The following SCHIP1 variants were observed in gnomAD, a reference collection of about 807,000 sequenced individuals.
The protein encoded by SCHIP1 is schwannomin-interacting protein 1.
A neutral mutation model predicts 29.7 loss-of-function variants in SCHIP1; 8 were observed. The observed-to-expected ratio is 0.27, with a 90% CI of 0.16 to 0.49. SCHIP1 has a LOEUF of 0.49. Among genes scored for constraint, SCHIP1 ranks in the 20% least tolerant of loss-of-function variants. The pLI, the probability that SCHIP1 is intolerant of heterozygous loss-of-function variation, is 0.99. For synonymous variants in SCHIP1, 76 were observed against 94.9 expected (o/e 0.80, Z 1.16); for missense variants, 193 against 294.6 (o/e 0.66, Z 2.52).
At chr3:159,517,145 T>A in the SCHIP1 span, among the ~76,000 whole-genome samples, 1 of 152,170 alleles carries the variant, frequency 6.6e-6, no homozygotes, top group African/African-American at 2.4e-5. Context: ...CCCTTCATGG[T>A]TCCAGCACAC....
the SCHIP1 span, among the ~76,000 whole-genome samples, chr3:159,326,491 C>T: frequency 1.3e-5 from 2 of 152,058 alleles, no homozygotes; most frequent in African/African-American, 4.8e-5. Flanking sequence ...TCTCTTTTTG[C>T]ATCTCTGCCC....
chr3:159,508,245 T>C, the SCHIP1 span, among the ~76,000 whole-genome samples: 1 of 152,220 alleles, frequency 6.6e-6, no homozygotes, highest in Non-Finnish European at 1.5e-5. Flanking sequence ...TTTTCTAGTT[T>C]ATTTGCGTAG....
the SCHIP1 span, among the ~76,000 whole-genome samples, chr3:159,422,655 GTT>G: frequency 1.5e-3 from 232 of 152,212 alleles, no homozygotes; most frequent in Middle Eastern, 6.8e-3. Flanking sequence ...GTATGGATTA[GTT>G]CTCCCTTCTT....
the SCHIP1 span, among the ~76,000 whole-genome samples, chr3:159,492,131 A>G: frequency 6.6e-6 from 1 of 152,132 alleles, no homozygotes; most frequent in Non-Finnish European, 1.5e-5. Context: ...AAAGGTAGAT[A>G]AAACCACAAA....
At chr3:159,869,815 G>T (rs1484043484) in intron 2 of SCHIP1, among the ~76,000 whole-genome samples, 1 of 151,624 alleles carries the variant, frequency 6.6e-6, no homozygotes, top group African/African-American at 2.4e-5. Flanking sequence ...TTTTCTCATT[G>T]TCTTTCTATC....
chr3:159,330,866 A>G, the SCHIP1 span, among the ~76,000 whole-genome samples: 6 of 152,064 alleles, frequency 3.9e-5, no homozygotes, highest in South Asian at 1.2e-3. Flanking sequence ...TTTCTCTTTT[A>G]CTTTACATCC....
chr3:159,886,321 C>T (rs1577493778), exon 3 of SCHIP1: 8 of 1,613,746 alleles, frequency 5.0e-6, no homozygotes, highest in Non-Finnish European at 6.8e-6. Context: ...CCTTGTCTCC[C>T]ATGGTGAGTC....
At chr3:159,639,245 G>GTCCTCATT in the SCHIP1 span, among the ~76,000 whole-genome samples, 1 of 151,916 alleles carries the variant, frequency 6.6e-6, no homozygotes, top group Non-Finnish European at 1.5e-5. Context: ...CTCACCCTTA[G>GTCCTCATT]TCCTCATTTT....
At chr3:159,812,964 G>A in the SCHIP1 span, among the ~76,000 whole-genome samples, 1 of 152,336 alleles carries the variant, frequency 6.6e-6, no homozygotes, top group East Asian at 1.9e-4. Flanking sequence ...GGGAAAGCAG[G>A]AGTGTGCAGA....
chr3:159,371,785 T>G, the SCHIP1 span, among the ~76,000 whole-genome samples: 1 of 152,220 alleles, frequency 6.6e-6, no homozygotes, highest in East Asian at 1.9e-4. Flanking sequence ...ATGTAAATGC[T>G]ATGTAGATAT....
the SCHIP1 span, among the ~76,000 whole-genome samples, chr3:159,811,552 A>G: frequency 6.6e-6 from 1 of 152,212 alleles, no homozygotes; most frequent in Admixed American, 6.5e-5. Flanking sequence ...TCCTTTCCCC[A>G]TTGAATTACC....
the SCHIP1 span, chr3:159,375,783 G>A: frequency 1.1e-6 from 1 of 878,384 alleles, no homozygotes; most frequent in African/African-American, 1.8e-5. Context: ...TTTAAAACTA[G>A]GATGGGTTTT....
chr3:159,488,821 G>A, the SCHIP1 span, among the ~76,000 whole-genome samples: 6 of 152,184 alleles, frequency 3.9e-5, no homozygotes, highest in African/African-American at 1.4e-4. Flanking sequence ...GTCCAGTTCT[G>A]GCATCTGCTT....
chr3:159,392,087 T>C, the SCHIP1 span, among the ~76,000 whole-genome samples: 2 of 152,310 alleles, frequency 1.3e-5, no homozygotes, highest in Non-Finnish European at 2.9e-5. Context: ...TGTTTGTTTT[T>C]TCTTTCACTG....
chr3:159,740,755 T>C, the SCHIP1 span, among the ~76,000 whole-genome samples: 1 of 95,498 alleles, frequency 1.0e-5, no homozygotes. Context: ...ACCAGAATTG[T>C]ATATTCAAAA....
the SCHIP1 span, among the ~76,000 whole-genome samples, chr3:159,487,341 C>T: frequency 6.6e-6 from 1 of 152,048 alleles, no homozygotes; most frequent in African/African-American, 2.4e-5. Flanking sequence ...AAACACACTC[C>T]TGTATCCCAT....
At chr3:159,822,676 A>T in the SCHIP1 span, among the ~76,000 whole-genome samples, 4 of 148,186 alleles carry the variant, frequency 2.7e-5, no homozygotes, top group East Asian at 4.2e-4. Context: ...AAAAACCGCA[A>T]CTACTTTTGC....
chr3:159,764,306 C>G, the SCHIP1 span: 1 of 1,085,452 alleles, frequency 9.2e-7, no homozygotes, highest in Non-Finnish European at 1.3e-6. The surrounding 1 kb of genome is among the most constrained non-coding windows in gnomAD (Gnocchi z 6.1). Flanking sequence ...GGCTCCCGCC[C>G]CCAGGCCTCC....
the SCHIP1 span, among the ~76,000 whole-genome samples, chr3:159,596,438 C>T: frequency 6.6e-6 from 1 of 152,160 alleles, no homozygotes; most frequent in African/African-American, 2.4e-5. Flanking sequence ...ACCCAGCCAT[C>T]CTATTACTAG....
Sources: allele counts gnomAD v4.1 joint callset (sites outside exome capture counted in the v4.1 genomes callset), GRCh38; gene constraint gnomAD v4.1.1; non-coding constraint Gnocchi (gnomAD v3.1); transcripts MANE v1.5; gene names NCBI Gene and HGNC (gene_info 2026-07-23, HGNC 2026-07-21).